CDK19: variants seen among roughly 807,000 people sequenced by gnomAD.
CDK19 encodes the protein cyclin-dependent kinase 19.
Under a neutral mutation model 68.3 loss-of-function variants are expected in CDK19, and 20 were observed. That is an observed-to-expected ratio of 0.29 (90% CI 0.21 to 0.43). The LOEUF (loss-of-function observed/expected upper bound fraction) is 0.43, where lower values mean the gene tolerates loss of function less well. CDK19 is among the 20% of genes least tolerant of loss of function. CDK19 has a pLI of 1.00. For synonymous variants in CDK19, 221 were observed against 222.8 expected (o/e 0.99, Z 0.07); for missense variants, 339 against 623.5 (o/e 0.54, Z 4.86).
chr6:110,808,238 G>C (rs147088775), intron 1 of CDK19, among the ~76,000 whole-genome samples: 3 of 152,130 alleles, frequency 2.0e-5, no homozygotes, highest in Admixed American at 6.5e-5. Flanking sequence ...TCCAGTAATC[G>C]ATACCTATGT....
intron 3 of CDK19, among the ~76,000 whole-genome samples, chr6:110,670,214 T>C (rs903619167): frequency 6.9e-6 from 1 of 144,104 alleles, no homozygotes; most frequent in African/African-American, 3.0e-5. Context: ...AAAATCTTTC[T>C]GAAGTAAAAT....
At chr6:110,777,401 A>C (rs1262553414) in intron 1 of CDK19, among the ~76,000 whole-genome samples, 1 of 152,182 alleles carries the variant, frequency 6.6e-6, no homozygotes, top group Admixed American at 6.6e-5. Context: ...TAAACTTTAA[A>C]ATCTCAATAC....
At chr6:110,806,956 T>C (rs1273463873) in intron 1 of CDK19, among the ~76,000 whole-genome samples, 2 of 151,242 alleles carry the variant, frequency 1.3e-5, no homozygotes, top group African/African-American at 4.9e-5. Context: ...CCAGCCTGGG[T>C]GACAGAGAAA....
chr6:110,740,066 G>A (rs1342369825), intron 2 of CDK19, among the ~76,000 whole-genome samples: 1 of 151,802 alleles, frequency 6.6e-6, no homozygotes, highest in Non-Finnish European at 1.5e-5. Flanking sequence ...CTCTGCTCTT[G>A]TGGGGGGAAA....
intron 2 of CDK19, among the ~76,000 whole-genome samples, chr6:110,715,009 CAGGCGTG>C (rs1181607562): frequency 6.6e-6 from 1 of 152,198 alleles, no homozygotes; most frequent in African/African-American, 2.4e-5. Context: ...GCTGGAATTA[CAGGCGTG>C]AGCCACCATG....
At chr6:110,719,791 C>T (rs924088302) in intron 2 of CDK19, among the ~76,000 whole-genome samples, 5 of 151,954 alleles carry the variant, frequency 3.3e-5, no homozygotes, top group African/African-American at 9.7e-5. Flanking sequence ...GGTGCAGTGG[C>T]GCAATCTGGG....
intron 4 of CDK19, among the ~76,000 whole-genome samples, chr6:110,655,378 AT>A (rs1302450736): frequency 3.7e-4 from 56 of 152,040 alleles, no homozygotes; most frequent in African/African-American, 1.2e-3. Flanking sequence ...AAAAAAAAAA[AT>A]AAATAAAAAT....
intron 5 of CDK19, among the ~76,000 whole-genome samples, chr6:110,637,567 C>G (rs1208492014): frequency 6.6e-6 from 1 of 152,200 alleles, no homozygotes; most frequent in African/African-American, 2.4e-5. Context: ...CAAGTGAGCA[C>G]AATTTTGCAT....
chr6:110,742,069 A>G (rs1045326658), intron 2 of CDK19, among the ~76,000 whole-genome samples: 7 of 152,224 alleles, frequency 4.6e-5, no homozygotes, highest in African/African-American at 1.7e-4. Flanking sequence ...CTTTTCTTCA[A>G]TATGATGTAA....
chr6:110,806,399 C>G (rs1325343779), intron 1 of CDK19, among the ~76,000 whole-genome samples: 1 of 152,024 alleles, frequency 6.6e-6, no homozygotes, highest in African/African-American at 2.4e-5. Context: ...TTAGCCAACC[C>G]CCCCATCTCC....
At chr6:110,682,261 G>A (rs1772083805) in intron 2 of CDK19, among the ~76,000 whole-genome samples, 1 of 152,198 alleles carries the variant, frequency 6.6e-6, no homozygotes, top group African/African-American at 2.4e-5. Flanking sequence ...AGTGAGAACA[G>A]TATCACCGAC....
chr6:110,668,693 G>A (rs747211360), intron 3 of CDK19, among the ~76,000 whole-genome samples: 12 of 152,036 alleles, frequency 7.9e-5, no homozygotes, highest in Admixed American at 6.6e-4. Flanking sequence ...TTAGCTGGGC[G>A]TAGTGGTGTA....
At chr6:110,646,335 G>T in intron 4 of CDK19, 1 of 1,471,082 alleles carries the variant, frequency 6.8e-7, no homozygotes, top group Middle Eastern at 2.3e-4. Flanking sequence ...GGCCCACGAC[G>T]GCATGCACTT....
intron 1 of CDK19, among the ~76,000 whole-genome samples, chr6:110,812,590 T>C (rs1356288547): frequency 2.0e-5 from 3 of 152,246 alleles, no homozygotes; most frequent in Non-Finnish European, 4.4e-5. Flanking sequence ...TTTCTTCTAA[T>C]GTTTCTTCTA....
At chr6:110,773,212 G>A (rs372725964) in intron 1 of CDK19, among the ~76,000 whole-genome samples, 12 of 152,206 alleles carry the variant, frequency 7.9e-5, no homozygotes, top group African/African-American at 1.9e-4. Context: ...GGGCGTGATG[G>A]TGCGTGTCTG....
chr6:110,718,038 G>T (rs1254795553), intron 2 of CDK19, among the ~76,000 whole-genome samples: 1 of 152,028 alleles, frequency 6.6e-6, no homozygotes. Context: ...TGCCACGTGA[G>T]GCCACCATAA....
At chr6:110,741,165 G>A (rs991623093) in intron 2 of CDK19, among the ~76,000 whole-genome samples, 2 of 151,978 alleles carry the variant, frequency 1.3e-5, no homozygotes, top group Non-Finnish European at 2.9e-5. Context: ...GTGAAGAAAT[G>A]ATGACTGTGG....
chr6:110,630,290 T>C (rs553748468), intron 6 of CDK19, among the ~76,000 whole-genome samples: 5 of 152,346 alleles, frequency 3.3e-5, no homozygotes, highest in African/African-American at 1.2e-4. Context: ...GGTATATGGA[T>C]TTCTATGGAG....
chr6:110,749,478 ACCCT>A (rs1377195451), intron 1 of CDK19, among the ~76,000 whole-genome samples: 2 of 151,508 alleles, frequency 1.3e-5, no homozygotes, highest in East Asian at 3.9e-4. Context: ...CTCCCACTTC[ACCCT>A]CCCAAGTAGC....
Sources: gnomAD v4.1 joint callset for allele counts (sites outside exome capture counted in the v4.1 genomes callset) on GRCh38, gnomAD v4.1.1 for gene constraint, MANE v1.5 for transcripts, NCBI Gene and HGNC (gene_info 2026-07-23, HGNC 2026-07-21) for gene names.